Variants in CA4 observed in about 807,000 individuals in gnomAD.
CA4 encodes carbonic anhydrase 4.
Under a neutral mutation model 34.5 loss-of-function variants are expected in CA4, and 24 were observed. The ratio of observed to expected loss-of-function variants is 0.70; its 90% CI spans 0.50 to 0.98. The LOEUF (loss-of-function observed/expected upper bound fraction) is 0.98. Among genes scored for constraint, CA4 ranks in the 50% least tolerant of loss-of-function variants. CA4 has a pLI of 0.00. For missense variants in CA4, 394 were observed against 396.7 expected (o/e 0.99, Z 0.06); for synonymous variants, 178 against 170.6 (o/e 1.04, Z -0.34).
rs1232145251 is a variant in CA4 at position 60,157,554 on chromosome 17, G to A, written c.396G>A (p.Gly132=). The change falls in exon 4 of 8, where the codon GGG becomes GGA. Residue 132 remains glycine (G), a synonymous_variant. Transcript: ENST00000300900. ...AGGGCTCGGAGCACAGCCTCGATGG[G>A]GAGCACTTTGCCATGGAGGTGAGGG... ...PYKGSEHSLD[G]EHFAMEMHIV... The A allele has an allele frequency of 1.2e-6, 2 of 1,614,186 alleles. No individual in the cohort carries two copies. Among genetic ancestry groups the A allele is most frequent in the African/African-American group, 2.7e-5 (2 of 75,044 alleles).
downstream of CA4, among the ~76,000 whole-genome samples, chr17:60,160,247 A>G (rs1567733737): frequency 6.6e-6 from 1 of 152,316 alleles, no homozygotes; most frequent in East Asian, 1.9e-4. Context: ...AAAGGGTGTC[A>G]TGTGTGGGGA....
chr17:60,153,975 G>A (rs979292587), intron 1 of CA4, among the ~76,000 whole-genome samples: 2 of 152,114 alleles, frequency 1.3e-5, no homozygotes, highest in African/African-American at 2.4e-5. Context: ...GTTTTCCTGG[G>A]GATGCTCCCT....
downstream of CA4, among the ~76,000 whole-genome samples, chr17:60,163,055 G>T (rs2145294156): frequency 6.6e-6 from 1 of 151,940 alleles, no homozygotes; most frequent in South Asian, 2.1e-4. Context: ...TGTTTAGATG[G>T]TTCTTGGAAA....
chr17:60,166,974 C>A (rs2083861904), intron 5 of CA4, among the ~76,000 whole-genome samples: 1 of 151,650 alleles, frequency 6.6e-6, no homozygotes, highest in Non-Finnish European at 1.5e-5. Context: ...AAAAAGAAAA[C>A]CCCCCAAAAA....
intron 5 of CA4, among the ~76,000 whole-genome samples, chr17:60,169,298 C>T (rs555478216): frequency 1.3e-5 from 2 of 151,292 alleles, no homozygotes; most frequent in South Asian, 2.1e-4. Flanking sequence ...ACAGCAGATT[C>T]GCAGATTCAT....
intron 5 of CA4, 110 bp downstream of exon 5, chr17:60,157,898 T>G: frequency 5.9e-6 from 9 of 1,517,240 alleles, no homozygotes; most frequent in Non-Finnish European, 7.2e-6. Flanking sequence ...AGACTCCAAC[T>G]TCCGCCTCTG....
downstream of CA4, among the ~76,000 whole-genome samples, chr17:60,174,712 T>C (rs1215288170): frequency 2.6e-5 from 4 of 152,192 alleles, no homozygotes; most frequent in Non-Finnish European, 5.9e-5. Context: ...GTGATTTCAA[T>C]ACTAAGGAAG....
At chr17:60,157,308 C>T (rs2083705477) in intron 3 of CA4, 119 bp from the exon 4 acceptor site, 2 of 1,182,146 alleles carry the variant, frequency 1.7e-6, no homozygotes, top group East Asian at 5.0e-5. Flanking sequence ...AGGCCAGAAC[C>T]AGAGCTCATG....
chr17:60,158,156 G>A (rs759720207), intron 6 of CA4, 29 bp downstream of exon 6: 3 of 1,612,892 alleles, frequency 1.9e-6, no homozygotes, highest in Non-Finnish European at 2.5e-6. Flanking sequence ...GAAGGGCTTG[G>A]GGTGAGGGGG....
chr17:60,155,521 A>ACT (rs1411268458), intron 2 of CA4, among the ~76,000 whole-genome samples, 154 bp downstream of exon 2: 15 of 136,490 alleles, frequency 1.1e-4, no homozygotes, highest in African/African-American at 3.2e-4. Context: ...ACACACACAC[A>ACT]CACTCTCTCT....
At chr17:60,161,604 C>T (rs957970965), downstream of CA4, among the ~76,000 whole-genome samples, 4 of 151,882 alleles carry the variant, frequency 2.6e-5, no homozygotes, top group Non-Finnish European at 5.9e-5. Context: ...TCTCTCACCC[C>T]GAGCCCCCCA....
chr17:60,161,032 C>A (rs1003254059), downstream of CA4, among the ~76,000 whole-genome samples: 1 of 151,892 alleles, frequency 6.6e-6, no homozygotes, highest in African/African-American at 2.4e-5. Context: ...TCAGGGGCTG[C>A]CGCAGTGCCC....
downstream of CA4, among the ~76,000 whole-genome samples, chr17:60,164,265 G>A (rs78024999): frequency 0.018 from 2,210 of 126,200 alleles, 57 homozygotes; most frequent in African/African-American, 0.062. Context: ...CCGTCTTTCC[G>A]TCCTTCCCTC....
At chr17:60,159,684 C>T (rs1024863452), downstream of CA4, 9 of 589,324 alleles carry the variant, frequency 1.5e-5, no homozygotes, top group Middle Eastern at 4.5e-4. Context: ...GGTGTCCCCA[C>T]TCCCGTTCTA....
chr17:60,167,340 T>C (rs1180400003), intron 5 of CA4, among the ~76,000 whole-genome samples: 1 of 152,190 alleles, frequency 6.6e-6, no homozygotes, highest in East Asian at 1.9e-4. Flanking sequence ...TCTTGCTTCC[T>C]CTTGTGAAGT....
chr17:60,174,176 T>C (rs1189048284), downstream of CA4, among the ~76,000 whole-genome samples: 27 of 151,712 alleles, frequency 1.8e-4, no homozygotes, highest in Admixed American at 1.8e-3. Context: ...ATCTGAAAAC[T>C]TTCGTTTACA....
At chr17:60,159,571 T>C, downstream of CA4, 5 of 907,850 alleles carry the variant, frequency 5.5e-6, no homozygotes, top group Non-Finnish European at 8.6e-6. Context: ...GTTTTTAGCC[T>C]TCCACAACTA....
chr17:60,172,123 G>T (rs1380110866), downstream of CA4, among the ~76,000 whole-genome samples: 1 of 152,160 alleles, frequency 6.6e-6, no homozygotes, highest in East Asian at 1.9e-4. Context: ...GGGCACTGAG[G>T]TTTGGCCATC....
chr17:60,154,829 A>AG (rs1287993823), intron 1 of CA4, among the ~76,000 whole-genome samples: 1 of 152,158 alleles, frequency 6.6e-6, no homozygotes, highest in Non-Finnish European at 1.5e-5. Context: ...CATTCTGGGG[A>AG]GGGGCCGCCT....
Sources: gnomAD v4.1 joint callset for allele counts (sites outside exome capture counted in the v4.1 genomes callset) on GRCh38, gnomAD v4.1.1 for gene constraint, MANE v1.5 for transcripts, NCBI Gene and HGNC (gene_info 2026-07-23, HGNC 2026-07-21) for gene names.